Variants in FGF13 observed in about 807,000 individuals in gnomAD.
FGF13 encodes fibroblast growth factor homologous factor 2.
FGF13 carries 2 observed loss-of-function variants against 19.5 expected under a neutral mutation model. The observed-to-expected ratio is 0.10, with a 90% CI of 0.04 to 0.32. The LOEUF (loss-of-function observed/expected upper bound fraction) is 0.32, where lower values mean the gene tolerates loss of function less well. FGF13 is among the 10% of genes least tolerant of loss of function. The probability of loss-of-function intolerance (pLI) is 1.00; values close to 1 mark genes in which losing one functional copy is unlikely to be tolerated. For synonymous variants in FGF13, 72 were observed against 76.9 expected (o/e 0.94, Z 0.33); for missense variants, 113 against 192.7 (o/e 0.59, Z 2.45).
chrX:139,120,406 T>C (rs968675616), intron 1 of FGF13, among the ~76,000 whole-genome samples: 2 of 111,241 alleles, frequency 1.8e-5, no homozygotes, highest in African/African-American at 3.3e-5. Flanking sequence ...CCCCATGGGG[T>C]AGGTACCATA....
intron 3 of FGF13, among the ~76,000 whole-genome samples, chrX:138,748,176 ATT>A (rs1415984228): frequency 3.6e-5 from 4 of 111,802 alleles, no homozygotes; most frequent in Non-Finnish European, 5.6e-5. Context: ...ATTTAAATAT[ATT>A]GTTTCATATA....
intron 1 of FGF13, among the ~76,000 whole-genome samples, chrX:139,048,892 T>G (rs1415557321): frequency 9.0e-6 from 1 of 111,377 alleles, no homozygotes; most frequent in African/African-American, 3.3e-5. Context: ...TTTATAAAAC[T>G]AATTTCTTTT....
At chrX:138,944,634 G>A (rs149007129) in intron 1 of FGF13, among the ~76,000 whole-genome samples, 5 of 111,077 alleles carry the variant, frequency 4.5e-5, no homozygotes, top group African/African-American at 1.6e-4. Context: ...GAAAACTTTT[G>A]GAATCACTAG....
chrX:138,715,451 A>G (rs1017640189), upstream of FGF13, among the ~76,000 whole-genome samples: 1 of 112,753 alleles, frequency 8.9e-6, no homozygotes, highest in Non-Finnish European at 1.9e-5. Flanking sequence ...GATTTCATCT[A>G]TTTTAACTGT....
At chrX:139,067,390 T>C (rs1245614799) in intron 1 of FGF13, among the ~76,000 whole-genome samples, 1 of 111,899 alleles carries the variant, frequency 8.9e-6, no homozygotes, top group East Asian at 2.8e-4. Context: ...AATGCCATCG[T>C]CTCAGCCCAA....
At chrX:138,900,686 CT>C (rs2091527817) in intron 1 of FGF13, among the ~76,000 whole-genome samples, 3 of 111,901 alleles carry the variant, frequency 2.7e-5, no homozygotes, top group African/African-American at 9.7e-5. Context: ...TGTGTTGCCT[CT>C]CACTTAAAAC....
chrX:138,730,661 C>T (rs2090223221), intron 1 of FGF13, among the ~76,000 whole-genome samples: 1 of 110,182 alleles, frequency 9.1e-6, no homozygotes, highest in Admixed American at 9.7e-5. Flanking sequence ...AAAAGAAAAA[C>T]AGAGGGACAC....
intron 3 of FGF13, among the ~76,000 whole-genome samples, chrX:138,764,545 G>T (rs1228367782): frequency 8.9e-6 from 1 of 112,405 alleles, no homozygotes; most frequent in East Asian, 2.8e-4. Flanking sequence ...TAAAAATGAA[G>T]ACTGTTTCAT....
chrX:138,943,092 C>CAT (rs755357182), intron 1 of FGF13, among the ~76,000 whole-genome samples: 48 of 111,882 alleles, frequency 4.3e-4, no homozygotes, highest in African/African-American at 1.2e-3. Context: ...AAATACTGTG[C>CAT]ATATATATAT....
At chrX:138,635,834 T>C (rs963622959) in intron 3 of FGF13, among the ~76,000 whole-genome samples, 179 bp from the exon 4 acceptor site, 3 of 112,322 alleles carry the variant, frequency 2.7e-5, no homozygotes, top group Non-Finnish European at 5.6e-5. Context: ...ATATAACATT[T>C]CACATGATGC....
intron 1 of FGF13, among the ~76,000 whole-genome samples, chrX:138,949,821 C>T (rs908847884): frequency 1.8e-5 from 2 of 111,622 alleles, no homozygotes; most frequent in Non-Finnish European, 1.9e-5. Flanking sequence ...CAGGTTGAGA[C>T]CAGAGCACAA....
Position 138,627,064 on chromosome X carries a change from G to A in FGF13, c.*5786C>T, listed in dbSNP as rs747733848. 1.8e-5 allele frequency: 2 copies of A among 111,826 alleles called. No homozygotes were observed. Among genetic ancestry groups the A allele is most frequent in the South Asian group, 3.8e-4 (1 of 2,655 alleles). 9.2% of individuals were successfully genotyped at this position (111,826 alleles called of 1,213,427 possible). A position where few individuals can be genotyped will look rare whatever the true frequency, so the allele number is the denominator to read the frequency against. ...AACTGAATAGTTACTTGCAATTGGA[G>A]TTCCACTTTATTAATCGCAGTAAGG... On this transcript the variant is annotated 3_prime_UTR_variant, in exon 5 of 5. Coordinates refer to ENST00000315930, the MANE Select transcript of FGF13 (RefSeq NM_004114.5).
chrX:138,855,964 G>C (rs778694802), downstream of FGF13, among the ~76,000 whole-genome samples: 23 of 65,794 alleles, frequency 3.5e-4, no homozygotes, highest in East Asian at 0.013. Flanking sequence ...TACAAAAACT[G>C]TGTGTGTGTG....
intron 1 of FGF13, among the ~76,000 whole-genome samples, chrX:139,011,237 T>C (rs1241511868): frequency 1.8e-5 from 2 of 110,148 alleles, no homozygotes; most frequent in African/African-American, 6.6e-5. Context: ...AAAGAAGAAT[T>C]GGTACCAATC....
intron 3 of FGF13, among the ~76,000 whole-genome samples, chrX:138,664,929 A>C (rs1299631819): frequency 9.0e-6 from 1 of 111,023 alleles, no homozygotes; most frequent in Non-Finnish European, 1.9e-5. Flanking sequence ...TTTTATACCT[A>C]TGTTGTTTTT....
In FGF13 at chrX:138,625,471, CATATATATATATAATATATATATATACAT is replaced by C. The variant is rs1251444793; in HGVS notation, c.*7350_*7378del. On this transcript the variant is annotated 3_prime_UTR_variant, in exon 5 of 5. Transcript: ENST00000315930. ...GAAGAAAGAAAATTATATATATATA[CATATATATATATAATATATATATATACAT>C]ATATATATATAATATAATATATATA... The C allele has an allele frequency of 1.1e-5, 1 of 89,912 alleles. No individual in the cohort carries two copies. The highest frequency in any genetic ancestry group is 4.6e-5 in the African/African-American group (1 of 21,959). The allele number at this position is 89,912 out of a possible 1,213,427, so 7.4% of individuals were successfully genotyped here.
chrX:138,628,910 A>C lies in FGF13; in HGVS notation c.*3940T>G, dbSNP rs1156467670. On this transcript the variant is annotated 3_prime_UTR_variant, in exon 5 of 5. Transcript: ENST00000315930. ...TACAAACAAAACTCCTGGGAGGGGG[A>C]ATTGGAGCCTGTTTTGCTTTTAAAA... 2.7e-5 allele frequency: 3 copies of C among 111,732 alleles called. No homozygotes were observed. The highest frequency in any genetic ancestry group is 5.6e-5 in the Non-Finnish European group (3 of 53,142). 9.2% of individuals were successfully genotyped at this position (111,732 alleles called of 1,213,427 possible).
chrX:139,146,850 T>C (rs961072324), intron 1 of FGF13, among the ~76,000 whole-genome samples: 3 of 110,194 alleles, frequency 2.7e-5, no homozygotes, highest in African/African-American at 9.9e-5. Flanking sequence ...ACCATCATTC[T>C]GAGCAAACTA....
intron 3 of FGF13, among the ~76,000 whole-genome samples, chrX:138,665,420 G>A (rs1395475556): frequency 2.7e-5 from 3 of 111,561 alleles, no homozygotes; most frequent in Non-Finnish European, 5.7e-5. Flanking sequence ...GGATAGAGGA[G>A]ATAGTAGGGG....
Sources: gnomAD v4.1 joint callset for allele counts (sites outside exome capture counted in the v4.1 genomes callset) on GRCh38, gnomAD v4.1.1 for gene constraint, MANE v1.5 for transcripts, NCBI Gene and HGNC (gene_info 2026-07-23, HGNC 2026-07-21) for gene names.